Variants in PRPF18 observed in about 807,000 individuals in gnomAD.
PRPF18 encodes the protein pre-mRNA processing factor 18, also known as pre-mRNA-splicing factor 18.
PRPF18 carries 38 observed loss-of-function variants against 46.5 expected under a neutral mutation model. The ratio of observed to expected loss-of-function variants is 0.82; its 90% confidence interval spans 0.63 to 1.07. The LOEUF (loss-of-function observed/expected upper bound fraction) is 1.07. Ranked by LOEUF, PRPF18 falls within the 50% of genes least tolerant of loss-of-function variation. PRPF18 has a pLI of 0.00. For missense variants in PRPF18, 263 were observed against 410.0 expected (o/e 0.64, Z 3.10); for synonymous variants, 152 against 146.7 (o/e 1.04, Z -0.26).
chr10:13,612,622 CTTTT>C (rs61113168), intron 6 of PRPF18, among the ~76,000 whole-genome samples: 3 of 76,160 alleles, frequency 3.9e-5, no homozygotes, highest in African/African-American at 1.5e-4. Context: ...AGGGTTCTAG[CTTTT>C]TTTTTTTTTT....
At chr10:13,648,379 G>A in the PRPF18 span, 3 of 152,178 alleles carry the variant, frequency 2.0e-5, no homozygotes, top group Non-Finnish European at 2.9e-5. Flanking sequence ...ACTTCTAATG[G>A]GAGAGGTGGT....
chr10:13,621,866 G>A (rs2080424936), intron 9 of PRPF18, among the ~76,000 whole-genome samples: 2 of 152,268 alleles, frequency 1.3e-5, no homozygotes, highest in South Asian at 4.1e-4. Flanking sequence ...AATATTTTAT[G>A]TCAATTATTT....
intron 3 of PRPF18, among the ~76,000 whole-genome samples, chr10:13,602,229 T>G (rs142454563): frequency 1.3e-4 from 20 of 152,354 alleles, no homozygotes; most frequent in African/African-American, 4.6e-4. Context: ...TGTGTTAATG[T>G]GAAACTTTCT....
intron 4 of PRPF18, among the ~76,000 whole-genome samples, chr10:13,607,893 G>A (rs1468552186): frequency 6.6e-6 from 1 of 152,138 alleles, no homozygotes; most frequent in Admixed American, 6.5e-5. Context: ...TATTCCATGG[G>A]CTCTTGAAAA....
intron 9 of PRPF18, among the ~76,000 whole-genome samples, chr10:13,623,763 G>T (rs1383340067): frequency 2.0e-5 from 3 of 152,046 alleles, no homozygotes; most frequent in African/African-American, 7.2e-5. Flanking sequence ...ATGCAGGTTG[G>T]TTGTTTTAAT....
At position 13,597,004 on chromosome 10, in the gene PRPF18, C is replaced by A. The variant is rs563268358; in HGVS notation, c.67-454C>A. On this transcript the variant is annotated intron_variant, in intron 1 of 9. Transcript: ENST00000378572. Reference sequence around the variant, plus strand: ...GTTCCAGGTAACAAGAAAGAACTTACACTCCTGGAGTTCCCTTGTTATGTG... The same window carrying A: ...GTTCCAGGTAACAAGAAAGAACTTAAACTCCTGGAGTTCCCTTGTTATGTG... Among the ~76,000 whole-genome samples the A allele has an allele frequency of 1.2e-4, 18 of 152,278 alleles. No individual in the cohort carries two copies. The South Asian group carries it at 3.3e-3, about 28-fold the overall frequency.
chr10:13,596,635 G>A (rs569923601), intron 1 of PRPF18, among the ~76,000 whole-genome samples: 28 of 152,230 alleles, frequency 1.8e-4, no homozygotes, highest in South Asian at 1.2e-3. Context: ...TCCAAATTAC[G>A]GACTGTAGAT....
downstream of PRPF18, among the ~76,000 whole-genome samples, chr10:13,632,239 G>A (rs538864818): frequency 6.6e-6 from 1 of 152,232 alleles, no homozygotes; most frequent in East Asian, 1.9e-4. Flanking sequence ...TACTCGGGAG[G>A]CTGAGGCAGG....
rs553250535 is a variant in PRPF18, at chr10:13,623,513, T to A, written c.949-6747T>A. Reference sequence around the variant, plus strand: ...TCTTAGGATGTACCACTAAATGGATTTGTGCTTTCCTCTTTAAGGCTTTGT... The same window carrying A: ...TCTTAGGATGTACCACTAAATGGATATGTGCTTTCCTCTTTAAGGCTTTGT... On this transcript the variant is annotated intron_variant, in intron 9 of 9. Coordinates refer to ENST00000378572, the MANE Select transcript of PRPF18 (RefSeq NM_003675.4). Among the ~76,000 whole-genome samples, 14 of 152,364 alleles carry A rather than the reference T, an allele frequency of 9.2e-5. No homozygotes were observed. The East Asian group carries it at 1.7e-3, about 19-fold the overall frequency.
chr10:13,652,180 G>A, the PRPF18 span: 25 of 592,258 alleles, frequency 4.2e-5, no homozygotes, highest in African/African-American at 1.9e-4. Flanking sequence ...TAGGAGGGAC[G>A]GGCCCTCTTT....
downstream of PRPF18, among the ~76,000 whole-genome samples, chr10:13,634,702 A>G (rs2080620626): frequency 6.6e-6 from 1 of 152,310 alleles, no homozygotes; most frequent in South Asian, 2.1e-4. Context: ...CCAGTATTAC[A>G]TGTACACAGG....
chr10:13,621,775 A>G (rs1564461905), intron 9 of PRPF18, among the ~76,000 whole-genome samples: 1 of 152,224 alleles, frequency 6.6e-6, no homozygotes, highest in Non-Finnish European at 1.5e-5. Context: ...TACAAAAGGT[A>G]AATATCCTAT....
Position 13,597,652 on chromosome 10 carries a change from A to G in PRPF18, c.144+117A>G, listed in dbSNP as rs776381631. ...TTTATCAATATACGTTAGCCTATAA[A>G]TGAGAAGCCATCTGGAGAGGTATGA... On this transcript the variant is annotated intron_variant, in intron 2 of 9. Transcript: ENST00000378572. 4.4e-6 allele frequency: 7 copies of G among 1,603,618 alleles called. No homozygotes were observed. In the South Asian group the frequency reaches 5.6e-5, roughly 13 times the overall value.
At chr10:13,627,431 A>G (rs1237853240) in intron 9 of PRPF18, among the ~76,000 whole-genome samples, 1 of 152,340 alleles carries the variant, frequency 6.6e-6, no homozygotes, top group African/African-American at 2.4e-5. Flanking sequence ...AATTAAAAAT[A>G]CCACAAGTTT....
intron 8 of PRPF18, 113 bp from the exon 9 acceptor site, chr10:13,616,285 C>A: frequency 8.8e-7 from 1 of 1,132,088 alleles, no homozygotes; most frequent in Non-Finnish European, 1.3e-6. Context: ...TTTCCATGTG[C>A]CCAAAAGGTG....
the PRPF18 span, chr10:13,646,684 A>G: frequency 6.5e-6 from 1 of 152,772 alleles, no homozygotes; most frequent in African/African-American, 2.4e-5. Context: ...GGAAGCCACC[A>G]AGGTGCCATT....
downstream of PRPF18, chr10:13,631,508 C>T (rs968703487): frequency 3.9e-5 from 6 of 152,222 alleles, no homozygotes; most frequent in Admixed American, 3.9e-4. Context: ...ATAGTCCATG[C>T]TTCGTAGCAT....
chr10:13,634,634 G>A (rs560379063), downstream of PRPF18, among the ~76,000 whole-genome samples: 1 of 152,204 alleles, frequency 6.6e-6, no homozygotes, highest in African/African-American at 2.4e-5. Flanking sequence ...AAGTAGAAGT[G>A]TAAAAGCTGT....
the PRPF18 span, chr10:13,651,759 T>C: frequency 4.7e-6 from 3 of 633,114 alleles, no homozygotes; most frequent in East Asian, 5.4e-5. Context: ...GCTAAAAACA[T>C]AGTTCCAGTT....
Sources: allele counts gnomAD v4.1 joint callset (sites outside exome capture counted in the v4.1 genomes callset), GRCh38; gene constraint gnomAD v4.1.1; transcripts MANE v1.5; gene names NCBI Gene and HGNC (gene_info 2026-07-23, HGNC 2026-07-21).